The following PAPPA variants were observed in gnomAD, a reference collection of about 807,000 sequenced individuals.
PAPPA encodes the protein pappalysin-1.
PAPPA carries 60 observed loss-of-function variants against 164.0 expected under a neutral mutation model. The observed-to-expected ratio is 0.37, with a 90% confidence interval of 0.30 to 0.45. PAPPA has a LOEUF of 0.45. Ranked by LOEUF, PAPPA falls within the 20% of genes least tolerant of loss-of-function variation. The pLI is 1.00. For missense variants in PAPPA, 1,782 were observed against 2,087.3 expected (o/e 0.85, Z 2.85); for synonymous variants, 875 against 814.1 (o/e 1.07, Z -1.27).
chr9:116,386,795 C>T (rs986245786), intron 21 of PAPPA, among the ~76,000 whole-genome samples: 21 of 152,146 alleles, frequency 1.4e-4, no homozygotes, highest in African/African-American at 5.1e-4. Context: ...CCAGTAGCAG[C>T]AAAGATGGGG....
intron 21 of PAPPA, among the ~76,000 whole-genome samples, chr9:116,389,416 A>AAGAC (rs886779823): frequency 1.3e-4 from 20 of 152,190 alleles, no homozygotes; most frequent in African/African-American, 4.8e-4. Context: ...CCTCAATGCA[A>AAGAC]AGACATACAG....
In PAPPA at chr9:116,235,120, C is replaced by T. The variant is rs747268650; in HGVS notation, c.2234-19C>T. The stretch of plus-strand genomic sequence containing the variant: ...AAGCTCTTTCCCCAAGAACTCATTC[C>T]CTCATCTCTTCTGCATAGGTCATCC... On this transcript the variant is annotated intron_variant, in intron 6 of 21. Coordinates refer to ENST00000328252, the MANE Select transcript of PAPPA (RefSeq NM_002581.5). 6.2e-7 allele frequency: 1 copy of T among 1,613,934 alleles called. No individual in the cohort carries two copies. The highest frequency in any genetic ancestry group is 2.2e-5 in the East Asian group (1 of 44,872).
At chr9:116,300,888 C>A (rs1380590504) in intron 9 of PAPPA, among the ~76,000 whole-genome samples, 1 of 151,772 alleles carries the variant, frequency 6.6e-6, no homozygotes, top group Non-Finnish European at 1.5e-5. Context: ...CTAGGATGTA[C>A]AAAGCACATT....
intron 5 of PAPPA, among the ~76,000 whole-genome samples, chr9:116,221,021 G>T (rs1844439394): frequency 6.6e-6 from 1 of 151,598 alleles, no homozygotes; most frequent in Admixed American, 6.6e-5. Flanking sequence ...TGAGGCACAA[G>T]GTACCTCTAT....
chr9:116,260,801 C>T (rs77214250), intron 7 of PAPPA, among the ~76,000 whole-genome samples: 3,268 of 151,998 alleles, frequency 0.022, 135 homozygotes, highest in African/African-American at 0.075. Context: ...AATGAGTCAA[C>T]GGTAGTATTT....
At chr9:116,387,012 T>C (rs2118715621) in intron 21 of PAPPA, among the ~76,000 whole-genome samples, 1 of 152,210 alleles carries the variant, frequency 6.6e-6, no homozygotes, top group Non-Finnish European at 1.5e-5. Flanking sequence ...TAGGTCCCAC[T>C]TGTCCCCTCA....
Position 116,385,634 on chromosome 9 carries a change from C to G in PAPPA, c.4776+3141C>G, listed in dbSNP as rs10983130. Among the ~76,000 whole-genome samples the G allele has an allele frequency of 5.0e-3, 761 of 152,322 alleles. 4 individuals carry two copies. Among genetic ancestry groups the G allele is most frequent in the African/African-American group, 0.018 (729 of 41,560 alleles). ...TTGCTAGCTCTGAATGCATTTCATA[C>G]TGTTGTTTCCTCCTTGTCTACCCAC... On this transcript the variant is annotated intron_variant, in intron 21 of 21. Coordinates refer to ENST00000328252, the MANE Select transcript of PAPPA (RefSeq NM_002581.5).
chr9:116,352,923 G>A lies in PAPPA; in HGVS notation c.4175+7G>A. ...CCTCTCGGAAGTCAAAGAAGTAAGT[G>A]GGGTTGGAAATGCAAACTTATGGTC... On this transcript the variant is annotated splice_region_variant and intron_variant, in intron 16 of 21. Coordinates refer to ENST00000328252, the MANE Select transcript of PAPPA (RefSeq NM_002581.5). The A allele has an allele frequency of 6.2e-7, 1 of 1,610,940 alleles. No homozygotes were observed. The highest frequency in any genetic ancestry group is 1.1e-5 in the South Asian group (1 of 90,892).
intron 1 of PAPPA, among the ~76,000 whole-genome samples, chr9:116,183,429 A>G (rs1464108960): frequency 6.6e-6 from 1 of 152,172 alleles, no homozygotes; most frequent in Non-Finnish European, 1.5e-5. Context: ...TCAGCAGCAT[A>G]AAGGAGGTGG....
chr9:116,352,777 T>C lies in PAPPA; in HGVS notation c.4036T>C (p.Cys1346Arg), dbSNP rs1414807562. 1 of 1,613,934 alleles carries C rather than the reference T, an allele frequency of 6.2e-7. No homozygotes were observed. Residue 1346 changes from cysteine (C) to arginine (R), a missense_variant, in exon 16 of 22, where the codon TGC (cysteine) becomes CGC (arginine). Cys to Arg is a radical substitution (Grantham distance 180). Transcript: ENST00000328252. ...CCCAGAGGCCCTGTGTGAGCTCATG[T>C]GCCTCGCTCCACCCCCTGTGCCCAA... ...SFPEALCELM[C>R]LAPPPVPNAD...
intron 6 of PAPPA, among the ~76,000 whole-genome samples, chr9:116,233,371 A>G (rs1317572643): frequency 6.6e-6 from 1 of 152,252 alleles, no homozygotes; most frequent in Non-Finnish European, 1.5e-5. Flanking sequence ...GTGTGTCAAC[A>G]TCCCACAAAG....
chr9:116,216,671 T>C lies in PAPPA; in HGVS notation c.1919-3266T>C, dbSNP rs74931624. On this transcript the variant is annotated intron_variant, in intron 4 of 21. Coordinates refer to ENST00000328252, the MANE Select transcript of PAPPA (RefSeq NM_002581.5). ...TGATAGATGAAAACCCTTTGGTACCTCTCCCCAGATTTTGATAGCTGCTAA... is the reference window on the plus strand; with the variant it reads ...TGATAGATGAAAACCCTTTGGTACCCCTCCCCAGATTTTGATAGCTGCTAA... Among the ~76,000 whole-genome samples, 1,076 of 152,206 alleles carry C rather than the reference T, an allele frequency of 7.1e-3. 15 individuals carry two copies. Among genetic ancestry groups the C allele is most frequent in the African/African-American group, 0.025 (1,033 of 41,528 alleles).
chr9:116,268,228 C>T (rs1845094686), intron 8 of PAPPA, among the ~76,000 whole-genome samples: 1 of 152,140 alleles, frequency 6.6e-6, no homozygotes, highest in South Asian at 2.1e-4. Flanking sequence ...ACATACAATG[C>T]TGTATGTATT....
chr9:116,239,242 G>T (rs1432776740), intron 7 of PAPPA, among the ~76,000 whole-genome samples: 2 of 152,166 alleles, frequency 1.3e-5, no homozygotes, highest in Admixed American at 6.5e-5. Flanking sequence ...AGAAAGAAAT[G>T]TGGAACATCT....
chr9:116,284,151 A>G lies in PAPPA; in HGVS notation c.2953+12735A>G, dbSNP rs186561693. On this transcript the variant is annotated intron_variant, in intron 9 of 21. Transcript: ENST00000328252. ...AGTTCCTGTCTTCCAGAAAGTGATCAACAAATATTGATTATTATGGCTAAC... is the reference window on the plus strand; with the variant it reads ...AGTTCCTGTCTTCCAGAAAGTGATCGACAAATATTGATTATTATGGCTAAC... 2.0e-5 allele frequency among the ~76,000 whole-genome samples: 3 copies of G among 152,340 alleles called. No individual in the cohort carries two copies. In the East Asian group the frequency reaches 5.8e-4, roughly 29 times the overall value.
chr9:116,161,641 T>C (rs1843665823), intron 1 of PAPPA, among the ~76,000 whole-genome samples: 2 of 151,906 alleles, frequency 1.3e-5, no homozygotes, highest in African/African-American at 4.8e-5. Flanking sequence ...TAGAAATGCA[T>C]ACTGAAGTAC....
At chr9:116,268,342 C>T (rs1177889820) in intron 8 of PAPPA, among the ~76,000 whole-genome samples, 1 of 152,214 alleles carries the variant, frequency 6.6e-6, no homozygotes, top group African/African-American at 2.4e-5. Flanking sequence ...CACATTAATA[C>T]ATCAAATTCC....
intron 10 of PAPPA, among the ~76,000 whole-genome samples, chr9:116,307,017 C>A (rs909204563): frequency 6.6e-6 from 1 of 152,122 alleles, no homozygotes; most frequent in Non-Finnish European, 1.5e-5. Context: ...AGTTTGAGGG[C>A]CAAAGTAAAG....
chr9:116,180,367 A>G (rs7026018), intron 1 of PAPPA, among the ~76,000 whole-genome samples: 1 of 151,688 alleles, frequency 6.6e-6, no homozygotes, highest in African/African-American at 2.4e-5. Flanking sequence ...GAGAGTTAGA[A>G]TTGTGATTCT....
Sources: gnomAD v4.1 joint callset for allele counts (sites outside exome capture counted in the v4.1 genomes callset) on GRCh38, gnomAD v4.1.1 for gene constraint, MANE v1.5 for transcripts, NCBI Gene and HGNC (gene_info 2026-07-23, HGNC 2026-07-21) for gene names.